The following KLHL31 variants were observed in gnomAD, a reference collection of about 807,000 sequenced individuals.
The protein encoded by KLHL31 is kelch like family member 31.
A neutral mutation model predicts 47.1 loss-of-function variants in KLHL31; 32 were observed. The observed-to-expected ratio is 0.68, with a 90% CI of 0.51 to 0.91. KLHL31 has a LOEUF of 0.91. KLHL31 is among the 40% of genes least tolerant of loss of function. KLHL31 has a pLI of 0.00. For missense variants in KLHL31, 797 were observed against 819.3 expected (o/e 0.97, Z 0.33); for synonymous variants, 330 against 325.1 (o/e 1.01, Z -0.16).
intron 2 of KLHL31, among the ~76,000 whole-genome samples, chr6:53,652,740 A>G (rs183893907): frequency 1.6e-4 from 24 of 152,330 alleles, no homozygotes; most frequent in African/African-American, 5.5e-4. Flanking sequence ...AGAGAAGGGC[A>G]TCGCCATATT....
chr6:53,656,553 A>G (rs1427051388), intron 1 of KLHL31, among the ~76,000 whole-genome samples: 2 of 152,128 alleles, frequency 1.3e-5, no homozygotes, highest in Non-Finnish European at 2.9e-5. Flanking sequence ...TTATATATTT[A>G]TATAGTGTAT....
At chr6:53,663,682 TAGGACACA>T (rs1456915687) in intron 1 of KLHL31, among the ~76,000 whole-genome samples, 1 of 152,234 alleles carries the variant, frequency 6.6e-6, no homozygotes, top group African/African-American at 2.4e-5. Context: ...AGGCTGTATA[TAGGACACA>T]AGGACACAGT....
rs958667928 is a variant in KLHL31, at chr6:53,655,189, G to C, written c.84C>G (p.Asn28Lys). The C allele has an allele frequency of 2.5e-6, 4 of 1,613,572 alleles. No individual in the cohort carries two copies. Among genetic ancestry groups the C allele is most frequent in the Non-Finnish European group, 3.4e-6 (4 of 1,179,834 alleles). The change falls in exon 2 of 3, where the codon AAC becomes AAG. Residue 28 changes from asparagine to lysine, a missense_variant. Asn to Lys is a moderately conservative substitution (Grantham distance 94). Coordinates refer to ENST00000370905, the MANE Select transcript of KLHL31 (RefSeq NM_001003760.5). ...GGAGCCCATTCAAAGCATTCAGTTT[G>C]TTTAGGGGGCTATCTTCTACGATTA... Reference protein sequence around the residue: ...MTIIVEDSPLNKLNALNGLLE... With the variant: ...MTIIVEDSPLKKLNALNGLLE...
Position 53,651,686 on chromosome 6 carries a change from C to T in KLHL31, c.1817G>A (p.Gly606Asp). Residue 606 changes from glycine (G) to aspartate (D), a missense_variant, in exon 3 of 3, where the codon GGC becomes GAC. By Grantham distance (94) the Gly-to-Asp change is moderately conservative (BLOSUM62 -1). Transcript: ENST00000370905. ...CATCGAGAGGGTGCAGCAGGACACGCCGACAGTGGCCTCGGGTAGCTCGTC... is the reference window on the plus strand; with the variant it reads ...CATCGAGAGGGTGCAGCAGGACACGTCGACAGTGGCCTCGGGTAGCTCGTC... ...EDDELPEATV[G>D]VSCCTLSMPN... 2.5e-6 allele frequency: 4 copies of T among 1,614,202 alleles called. No homozygotes were observed. Among genetic ancestry groups the T allele is most frequent in the Non-Finnish European group, 3.4e-6 (4 of 1,180,034 alleles).
chr6:53,663,894 C>T (rs573988314), intron 1 of KLHL31, among the ~76,000 whole-genome samples: 33 of 152,262 alleles, frequency 2.2e-4, no homozygotes, highest in Middle Eastern at 3.4e-3. Flanking sequence ...TATAGCAGAA[C>T]GTCCAACCTA....
intron 1 of KLHL31, among the ~76,000 whole-genome samples, chr6:53,657,610 T>TGTGTGTG (rs1762823557): frequency 3.6e-5 from 5 of 138,722 alleles, no homozygotes; most frequent in Non-Finnish European, 6.2e-5. Context: ...TGTTTTTGTT[T>TGTGTGTG]TGTGTGTGTG....
Position 53,650,419 on chromosome 6 carries a change from T to C in KLHL31, c.*1179A>G, listed in dbSNP as rs1764447410. 1 of 152,190 alleles carries C rather than the reference T, an allele frequency of 6.6e-6. No homozygotes were observed. Among genetic ancestry groups the C allele is most frequent in the African/African-American group, 2.4e-5 (1 of 41,450 alleles). The allele number at this position is 152,190 out of a possible 1,614,324, so 9.4% of individuals were successfully genotyped here. On this transcript the variant is annotated 3_prime_UTR_variant, in exon 3 of 3. Coordinates refer to ENST00000370905, the MANE Select transcript of KLHL31 (RefSeq NM_001003760.5). ...ATAAAAATAGGACAGAATGAGTATA[T>C]ATTTTTATATACGTGAGATGAGTGC...
intron 1 of KLHL31, among the ~76,000 whole-genome samples, chr6:53,662,614 C>T (rs543817180): frequency 3.3e-5 from 5 of 152,280 alleles, no homozygotes; most frequent in South Asian, 2.1e-4. Flanking sequence ...TCTGCTATCA[C>T]GTAGAGCAAC....
Position 53,654,816 on chromosome 6 carries a change from G to A in KLHL31, c.457C>T (p.His153Tyr), listed in dbSNP as rs1201227774. Residue 153 changes from histidine to tyrosine, a missense_variant, in exon 2 of 3, where the codon CAT becomes TAT. Physicochemically the swap from His to Tyr is moderately conservative, Grantham distance 83. Transcript: ENST00000370905. Reference sequence around the variant, plus strand: ...TCACTGCACATCTTTACAAGAGTATGGATCTGAAGATAAACAGCAGCAGAA... The same window carrying A: ...TCACTGCACATCTTTACAAGAGTATAGATCTGAAGATAAACAGCAGCAGAA... ...IISAAVYLQI[H>Y]TLVKMCSDFL... 6.2e-7 allele frequency: 1 copy of A among 1,613,884 alleles called. No individual in the cohort carries two copies. Among genetic ancestry groups the A allele is most frequent in the African/African-American group, 1.3e-5 (1 of 74,890 alleles).
rs772276062 is a variant in KLHL31 at position 53,654,554 on chromosome 6, C to G, written c.719G>C (p.Trp240Ser). 1.9e-6 allele frequency: 3 copies of G among 1,614,142 alleles called. No individual in the cohort carries two copies. The highest frequency in any genetic ancestry group is 2.5e-6 in the Non-Finnish European group (3 of 1,180,016). The change falls in exon 2 of 3, where the codon TGG becomes TCG. Residue 240 changes from tryptophan (W) to serine (S), a missense_variant. Physicochemically the swap from Trp to Ser is radical, Grantham distance 177 (BLOSUM62 -3). Coordinates refer to ENST00000370905, the MANE Select transcript of KLHL31 (RefSeq NM_001003760.5). ...TACTCTCTTTTGGTCAAATTCTAAC[C>G]ATTTCATTGCAATCTGGAATGCTAC... ...EIVAFQIAMKWLEFDQKRVKY... is the reference protein window; with the variant it reads ...EIVAFQIAMKSLEFDQKRVKY...
At position 53,655,116 on chromosome 6, in the gene KLHL31, C is replaced by T; in HGVS notation, c.157G>A (p.Ala53Thr). 5 of 1,614,184 alleles carry T rather than the reference C, an allele frequency of 3.1e-6. No homozygotes were observed. Among genetic ancestry groups the T allele is most frequent in the Non-Finnish European group, 4.2e-6 (5 of 1,180,020 alleles). ...TCCAAGAGGTTGGGGCCATAAGAAG[C>T]ATCTGTTAGTTCAGAAGAAATGCAG... ...LSCISSELTDASYGPNLLEGL... is the reference protein window; with the variant it reads ...LSCISSELTDTSYGPNLLEGL... Residue 53 changes from alanine to threonine, a missense_variant, in exon 2 of 3, where the codon GCT becomes ACT. Coordinates refer to ENST00000370905, the MANE Select transcript of KLHL31 (RefSeq NM_001003760.5).
At position 53,655,313 on chromosome 6, in the gene KLHL31, G is replaced by GAA. The variant is rs770082113; in HGVS notation, c.-33-9_-33-8insTT. 169 of 1,278,476 alleles carry GAA rather than the reference G, an allele frequency of 1.3e-4. No homozygotes were observed. Among genetic ancestry groups the GAA allele is most frequent in the Non-Finnish European group, 1.4e-4 (137 of 949,882 alleles). The allele number at this position is 1,278,476 out of a possible 1,614,324, so 79.2% of individuals were successfully genotyped here. On this transcript the variant is annotated splice_polypyrimidine_tract_variant and intron_variant, in intron 1 of 2. Coordinates refer to ENST00000370905, the MANE Select transcript of KLHL31 (RefSeq NM_001003760.5). ...GTTACAGGCAAGAGCTTGCTAAAAAGAGAAAAAAAAAAACATGGTTTTGTT... is the reference window on the plus strand; with the variant it reads ...GTTACAGGCAAGAGCTTGCTAAAAAGAAAGAAAAAAAAAAACATGGTTTTGTT...
In KLHL31 at chr6:53,654,361, C is replaced by T. The variant is rs1460929271; in HGVS notation, c.912G>A (p.Leu304=). Residue 304 remains leucine, a synonymous_variant, in exon 2 of 3, where the codon TTG becomes TTA. Coordinates refer to ENST00000370905, the MANE Select transcript of KLHL31 (RefSeq NM_001003760.5). ...CTCGGATTCTTGTTCGCCTAGATTG[C>T]AATGTGTTTTGATGATATGGAAGCA... is the stretch of plus-strand genomic sequence containing the variant. ...YHLLPYHQNT[L]QSRRTRIRGG... 1.9e-6 allele frequency: 3 copies of T among 1,614,052 alleles called. No individual in the cohort carries two copies. The highest frequency in any genetic ancestry group is 2.5e-6 in the Non-Finnish European group (3 of 1,180,042).
In KLHL31 at chr6:53,655,036, G is replaced by T. The variant is rs764266250; in HGVS notation, c.237C>A (p.Thr79=). ...ENFLCDLVIG[T]KTKSFDVHKS... ...TATGAACATCAAAGGATTTGGTTTT[G>T]GTACCAATGACTAAGTCACATAGGA... Residue 79 remains threonine (T), a synonymous_variant, in exon 2 of 3, where the codon ACC becomes ACA. Transcript: ENST00000370905. The T allele has an allele frequency of 4.3e-6, 7 of 1,614,128 alleles. 1 individual carries two copies. The South Asian group carries it at 7.7e-5, about 18-fold the overall frequency.
chr6:53,652,378 G>T (rs201251436), intron 2 of KLHL31, 48 bp from the exon 3 acceptor site: 19 of 1,605,394 alleles, frequency 1.2e-5, no homozygotes, highest in Admixed American at 1.7e-5. Context: ...GGCAGCTGGG[G>T]ACCCCATGTT....
At chr6:53,664,220 A>T (rs776416176) in intron 1 of KLHL31, among the ~76,000 whole-genome samples, 2 of 152,250 alleles carry the variant, frequency 1.3e-5, no homozygotes, top group Admixed American at 1.3e-4. Context: ...ATCATACTTT[A>T]GTATAAGTAT....
rs969706868 is a variant in KLHL31, at chr6:53,652,073, T to C, written c.1430A>G (p.Asn477Ser). The change falls in exon 3 of 3, where the codon AAC (asparagine) becomes AGC (serine). Residue 477 changes from asparagine (N) to serine (S), a missense_variant. Transcript: ENST00000370905. ...RVLVTGGYIA[N>S]AYSRSVCAYD... ...GGCGCACACAGAGCGCGAGTAGGCGTTGGCTATGTAGCCTCCGGTCACCAG... is the reference window on the plus strand; with the variant it reads ...GGCGCACACAGAGCGCGAGTAGGCGCTGGCTATGTAGCCTCCGGTCACCAG... 2.5e-6 allele frequency: 4 copies of C among 1,597,500 alleles called. No individual in the cohort carries two copies. The South Asian group carries it at 4.4e-5, about 18-fold the overall frequency.
Position 53,655,070 on chromosome 6 carries a change from T to C in KLHL31, c.203A>G (p.Gln68Arg), listed in dbSNP as rs1195608476. Residue 68 changes from glutamine to arginine, a missense_variant, in exon 2 of 3, where the codon CAG becomes CGG. Gln to Arg is a conservative substitution (Grantham distance 43). Transcript: ENST00000370905. The stretch of plus-strand genomic sequence containing the variant: ...GACTAAGTCACATAGGAAGTTCTCC[T>C]GCCGCATTTTACTTAAACCTTCCAA... The part of the protein sequence containing the change: ...NLLEGLSKMR[Q>R]ENFLCDLVIG... 4 of 1,613,942 alleles carry C rather than the reference T, an allele frequency of 2.5e-6. No homozygotes were observed. Among genetic ancestry groups the C allele is most frequent in the Non-Finnish European group, 3.4e-6 (4 of 1,179,992 alleles).
chr6:53,654,812 G>C lies in KLHL31; in HGVS notation c.461C>G (p.Thr154Ser). The change falls in exon 2 of 3, where the codon ACT becomes AGT. Residue 154 changes from threonine (T) to serine (S), a missense_variant. Thr to Ser is a moderately conservative substitution (Grantham distance 58, BLOSUM62 1). Coordinates refer to ENST00000370905, the MANE Select transcript of KLHL31 (RefSeq NM_001003760.5). Reference protein sequence around the residue: ...ISAAVYLQIHTLVKMCSDFLI... With the variant: ...ISAAVYLQIHSLVKMCSDFLI... ...AAAATCACTGCACATCTTTACAAGAGTATGGATCTGAAGATAAACAGCAGC... is the reference window on the plus strand; with the variant it reads ...AAAATCACTGCACATCTTTACAAGACTATGGATCTGAAGATAAACAGCAGC... 6.2e-7 allele frequency: 1 copy of C among 1,614,004 alleles called. No homozygotes were observed. The highest frequency in any genetic ancestry group is 1.1e-5 in the South Asian group (1 of 91,080).
Sources: gnomAD v4.1 joint callset for allele counts (sites outside exome capture counted in the v4.1 genomes callset) on GRCh38, gnomAD v4.1.1 for gene constraint, MANE v1.5 for transcripts, NCBI Gene and HGNC (gene_info 2026-07-23, HGNC 2026-07-21) for gene names.